Variants in NCAM2 observed in about 807,000 individuals in gnomAD.
The protein encoded by NCAM2 is neural cell adhesion molecule 2.
A neutral mutation model predicts 98.1 loss-of-function variants in NCAM2; 30 were observed. The observed-to-expected ratio is 0.31, with a 90% CI of 0.23 to 0.41. The LOEUF (loss-of-function observed/expected upper bound fraction) is 0.41, where lower values mean the gene tolerates loss of function less well. Ranked by LOEUF, NCAM2 falls within the 10% of genes least tolerant of loss-of-function variation. NCAM2 has a pLI of 1.00. For missense variants in NCAM2, 867 were observed against 1,005.8 expected, an observed-to-expected ratio of 0.86 and a Z score of 1.87; for synonymous variants, 368 against 342.4, an observed-to-expected ratio of 1.07 and a Z score of -0.83.
At chr21:21,108,884 T>C (rs930137681) in intron 1 of NCAM2, among the ~76,000 whole-genome samples, 8 of 152,148 alleles carry the variant, frequency 5.3e-5, no homozygotes, top group African/African-American at 1.2e-4. Context: ...TAAAAACTTA[T>C]AGGGTAAATC....
chr21:21,197,894 C>T (rs1167017806), intron 1 of NCAM2, among the ~76,000 whole-genome samples: 2 of 152,126 alleles, frequency 1.3e-5, no homozygotes, highest in Non-Finnish European at 2.9e-5. Context: ...AAATGGACAG[C>T]ATTGCACCTT....
At chr21:21,525,630 G>T (rs1464184089) in intron 16 of NCAM2, among the ~76,000 whole-genome samples, 1 of 152,024 alleles carries the variant, frequency 6.6e-6, no homozygotes, top group African/African-American at 2.4e-5. Context: ...TATTTCAAAA[G>T]ATAGAAATAG....
At chr21:21,502,755 T>C (rs932545329) in intron 15 of NCAM2, among the ~76,000 whole-genome samples, 1 of 151,948 alleles carries the variant, frequency 6.6e-6, no homozygotes, top group Admixed American at 6.6e-5. Flanking sequence ...TTAACCTACT[T>C]GCCTGCTGCA....
intron 16 of NCAM2, among the ~76,000 whole-genome samples, chr21:21,523,435 G>C (rs745642286): frequency 2.0e-5 from 3 of 151,078 alleles, no homozygotes; most frequent in Non-Finnish European, 4.4e-5. Context: ...GCCCAGCATG[G>C]TTTATTGAAG....
chr21:21,536,398 T>C (rs1291647805), intron 17 of NCAM2, among the ~76,000 whole-genome samples: 1 of 124,186 alleles, frequency 8.1e-6, no homozygotes, highest in Non-Finnish European at 1.9e-5. Flanking sequence ...TCTTTCTTTT[T>C]TTTTTTTTTC....
intron 1 of NCAM2, among the ~76,000 whole-genome samples, chr21:21,262,658 C>CAAA (rs33912324): frequency 0.41 from 32,645 of 78,748 alleles, 8,367 homozygotes; most frequent in Non-Finnish European, 0.52. Context: ...AACAATCAGT[C>CAAA]AAAAAAAAAA....
intron 7 of NCAM2, among the ~76,000 whole-genome samples, chr21:21,338,121 T>C (rs930544019): frequency 8.5e-5 from 13 of 152,124 alleles, no homozygotes; most frequent in African/African-American, 3.1e-4. Flanking sequence ...GGCAGAATTT[T>C]GAAACAAATT....
intron 6 of NCAM2, among the ~76,000 whole-genome samples, chr21:21,332,428 G>A (rs11088860): frequency 0.024 from 3,615 of 152,204 alleles, 138 homozygotes; most frequent in African/African-American, 0.083. Flanking sequence ...CTAAGGACAT[G>A]ACTTAAGTCC....
At chr21:21,377,763 A>G (rs2076065306) in intron 9 of NCAM2, among the ~76,000 whole-genome samples, 1 of 151,924 alleles carries the variant, frequency 6.6e-6, no homozygotes, top group African/African-American at 2.4e-5. Flanking sequence ...CCAGCTATGC[A>G]ATAACTCTCA....
chr21:21,447,199 C>T (rs917588459), intron 12 of NCAM2, among the ~76,000 whole-genome samples: 1 of 152,118 alleles, frequency 6.6e-6, no homozygotes, highest in South Asian at 2.1e-4. Flanking sequence ...GGTATCAATA[C>T]AGACATATAG....
Position 21,263,084 on chromosome 21 carries a change from A to G in NCAM2, c.56-17494A>G, listed in dbSNP as rs540209996. Among the ~76,000 whole-genome samples the G allele has an allele frequency of 1.1e-4, 17 of 152,244 alleles. No individual in the cohort carries two copies. In the South Asian group the frequency reaches 2.5e-3, roughly 22 times the overall value. On this transcript the variant is annotated intron_variant, in intron 1 of 17. Transcript: ENST00000400546. ...CAAATTATCCCTCTTCTCTGACAAC[A>G]TGATCCTATACCTAGAAAACACTGA...
At chr21:21,486,039 C>T (rs955584517) in intron 15 of NCAM2, among the ~76,000 whole-genome samples, 3 of 152,048 alleles carry the variant, frequency 2.0e-5, no homozygotes, top group African/African-American at 7.2e-5. Context: ...CGCGGTGGCT[C>T]ACGCCTGTAA....
intron 9 of NCAM2, among the ~76,000 whole-genome samples, chr21:21,384,715 C>T (rs232427): frequency 0.38 from 57,412 of 151,608 alleles, 11,183 homozygotes; most frequent in East Asian, 0.58. Context: ...AGTAGATGAA[C>T]ACGATGATAG....
chr21:21,518,206 A>G (rs1602544730), intron 16 of NCAM2, among the ~76,000 whole-genome samples: 1 of 152,240 alleles, frequency 6.6e-6, no homozygotes, highest in South Asian at 2.1e-4. Flanking sequence ...GCCTTTTTCA[A>G]CTTTACTAGA....
chr21:21,318,193 G>A (rs770022505), intron 5 of NCAM2, among the ~76,000 whole-genome samples: 28 of 152,118 alleles, frequency 1.8e-4, no homozygotes, highest in Non-Finnish European at 3.4e-4. Flanking sequence ...GTTAACTGTA[G>A]AATATACGCT....
At chr21:21,155,996 C>G (rs908212032) in intron 1 of NCAM2, among the ~76,000 whole-genome samples, 1 of 151,908 alleles carries the variant, frequency 6.6e-6, no homozygotes, top group Non-Finnish European at 1.5e-5. Context: ...GTGGAAGGTT[C>G]TTCTTACTTC....
At chr21:21,234,885 A>T (rs575097875) in intron 1 of NCAM2, among the ~76,000 whole-genome samples, 9 of 152,054 alleles carry the variant, frequency 5.9e-5, no homozygotes, top group Non-Finnish European at 1.0e-4. Flanking sequence ...TTTTCAATTC[A>T]AGTAGATATT....
intron 15 of NCAM2, among the ~76,000 whole-genome samples, chr21:21,481,954 C>T (rs62216087): frequency 0.18 from 26,613 of 151,732 alleles, 2,633 homozygotes; most frequent in Non-Finnish European, 0.22. Context: ...GAAAATGAAC[C>T]GGGCATGGTG....
intron 1 of NCAM2, among the ~76,000 whole-genome samples, chr21:21,185,177 A>C (rs2068599977): frequency 6.6e-6 from 1 of 152,184 alleles, no homozygotes; most frequent in Non-Finnish European, 1.5e-5. Context: ...GATATTCACT[A>C]TAGGTGGGTT....
Sources: allele counts gnomAD v4.1 joint callset (sites outside exome capture counted in the v4.1 genomes callset), GRCh38; gene constraint gnomAD v4.1.1; transcripts MANE v1.5; gene names NCBI Gene and HGNC (gene_info 2026-07-23, HGNC 2026-07-21).